Variants in B4GALT6 observed in about 807,000 individuals in gnomAD.
B4GALT6 encodes the protein beta-1,4-galactosyltransferase 6.
Under a neutral mutation model 46.3 loss-of-function variants are expected in B4GALT6, and 14 were observed. That is an observed-to-expected ratio of 0.30 (90% confidence interval 0.20 to 0.47). The LOEUF (loss-of-function observed/expected upper bound fraction) is 0.47, where lower values mean the gene tolerates loss of function less well. B4GALT6 is among the 20% of genes least tolerant of loss of function. The probability of loss-of-function intolerance (pLI) is 0.99; values close to 1 mark genes in which losing one functional copy is unlikely to be tolerated. For missense variants in B4GALT6, 386 were observed against 480.1 expected (o/e 0.80, Z 1.83); for synonymous variants, 168 against 162.0 (o/e 1.04, Z -0.28).
upstream of B4GALT6, among the ~76,000 whole-genome samples, chr18:31,689,642 G>T (rs2030042052): frequency 6.6e-6 from 1 of 152,130 alleles, no homozygotes; most frequent in Admixed American, 6.5e-5. Context: ...TACTAGGGAG[G>T]CTGAGGCAGG....
chr18:31,691,480 T>C, the B4GALT6 span, among the ~76,000 whole-genome samples: 31 of 151,834 alleles, frequency 2.0e-4, no homozygotes, highest in African/African-American at 7.0e-4. Flanking sequence ...AAAGATAGTA[T>C]ACTATGAAAG....
chr18:31,720,425 T>C, the B4GALT6 span, among the ~76,000 whole-genome samples: 18 of 152,312 alleles, frequency 1.2e-4, no homozygotes, highest in Admixed American at 6.5e-4. Context: ...TGCAAAATTG[T>C]GGGCAAATGG....
chr18:31,668,742 T>C lies in B4GALT6; in HGVS notation c.116-2370A>G, dbSNP rs1346279134. 2.0e-5 allele frequency among the ~76,000 whole-genome samples: 3 copies of C among 151,964 alleles called. 1 individual carries two copies. The highest frequency in any genetic ancestry group is 4.4e-5 in the Non-Finnish European group (3 of 68,020). ...CTGGCCGGGCGTGGTGGCTCATGCC[T>C]GTAATCCCAGCATTTTGGAAGGCCA... is the stretch of plus-strand genomic sequence containing the variant. On this transcript the variant is annotated intron_variant, in intron 1 of 8. Coordinates refer to ENST00000306851, the MANE Select transcript of B4GALT6 (RefSeq NM_004775.5).
In B4GALT6 at chr18:31,666,389, GAGAA is replaced by G. The variant is rs768848703; in HGVS notation, c.116-21_116-18del. 3 of 1,282,726 alleles carry G rather than the reference GAGAA, an allele frequency of 2.3e-6. No individual in the cohort carries two copies. The African/African-American group carries it at 4.5e-5, about 19-fold the overall frequency. The allele number at this position is 1,282,726 out of a possible 1,614,324, so 79.5% of individuals were successfully genotyped here. ...ATGTGTTGGCTATAAAAGAAAAATAGAGAAAGAATGTCATAACACAGTAAGCTTT... is the reference window on the plus strand; with the variant it reads ...ATGTGTTGGCTATAAAAGAAAAATAGAGAATGTCATAACACAGTAAGCTTT... On this transcript the variant is annotated intron_variant, in intron 1 of 8. Transcript: ENST00000306851.
chr18:31,667,331 T>C (rs1319661344), intron 1 of B4GALT6, among the ~76,000 whole-genome samples: 1 of 152,202 alleles, frequency 6.6e-6, no homozygotes, highest in Non-Finnish European at 1.5e-5. Context: ...AGGCTCACTA[T>C]CATGGCAAAA....
the B4GALT6 span, among the ~76,000 whole-genome samples, chr18:31,693,596 A>G: frequency 6.6e-6 from 1 of 152,222 alleles, no homozygotes; most frequent in South Asian, 2.1e-4. Flanking sequence ...AATACTATAA[A>G]TAAACTGAAA....
chr18:31,631,818 T>A (rs2073795411), intron 5 of B4GALT6, among the ~76,000 whole-genome samples: 1 of 152,200 alleles, frequency 6.6e-6, no homozygotes, highest in Non-Finnish European at 1.5e-5. Context: ...CAATTGGAAC[T>A]TACTACACAA....
chr18:31,631,718 T>G (rs1329309361), intron 5 of B4GALT6, among the ~76,000 whole-genome samples: 1 of 152,180 alleles, frequency 6.6e-6, no homozygotes, highest in Non-Finnish European at 1.5e-5. Flanking sequence ...GACTCAACAG[T>G]GACCCTTCTC....
rs753712194 is a variant in B4GALT6 at position 31,645,421 on chromosome 18, G to A, written c.405C>T (p.Phe135=). 4 of 1,613,814 alleles carry A rather than the reference G, an allele frequency of 2.5e-6. No homozygotes were observed. The highest frequency in any genetic ancestry group is 1.3e-5 in the African/African-American group (1 of 75,036). The change falls in exon 4 of 9, where the codon TTC becomes TTT. Residue 135 remains phenylalanine (F), a synonymous_variant. Coordinates refer to ENST00000306851, the MANE Select transcript of B4GALT6 (RefSeq NM_004775.5). ...CTGGCTCAATATCTAAATCCTTGGA[G>A]AAGAGTTGATGAATTTCATCAAAAC... ...EVSFDEIHQL[F]SKDLDIEPGG...
At chr18:31,658,144 C>T in intron 2 of B4GALT6, 55 bp from the exon 3 acceptor site, 5 of 1,297,974 alleles carry the variant, frequency 3.9e-6, no homozygotes, top group Non-Finnish European at 5.5e-6. Context: ...TTGCTTTCTC[C>T]CTGGAATGAA....
the B4GALT6 span, among the ~76,000 whole-genome samples, chr18:31,717,577 T>C: frequency 6.6e-6 from 1 of 152,184 alleles, no homozygotes. Flanking sequence ...TGTAGATCTA[T>C]ATTTATTGAC....
the B4GALT6 span, among the ~76,000 whole-genome samples, chr18:31,691,347 T>TATA: frequency 1.1e-5 from 1 of 93,354 alleles, no homozygotes; most frequent in Non-Finnish European, 2.2e-5. Context: ...ATATATATAT[T>TATA]GCTCTGGGTT....
At chr18:31,691,209 C>A in the B4GALT6 span, among the ~76,000 whole-genome samples, 2 of 150,536 alleles carry the variant, frequency 1.3e-5, no homozygotes, top group Non-Finnish European at 2.9e-5. Context: ...GTGTTACTAT[C>A]CTAGAACCTA....
chr18:31,674,571 T>G (rs2074394956), intron 1 of B4GALT6, among the ~76,000 whole-genome samples: 2 of 151,900 alleles, frequency 1.3e-5, no homozygotes, highest in Admixed American at 1.3e-4. Context: ...AGGTATCTCT[T>G]TCTAAGAATT....
intron 2 of B4GALT6, among the ~76,000 whole-genome samples, chr18:31,664,550 CA>C (rs1411921754): frequency 5.7e-5 from 8 of 140,302 alleles, no homozygotes; most frequent in African/African-American, 8.2e-5. Context: ...TTTTTGGTTG[CA>C]GGATACTATG....
At chr18:31,672,173 G>A (rs933098340) in intron 1 of B4GALT6, among the ~76,000 whole-genome samples, 1 of 152,188 alleles carries the variant, frequency 6.6e-6, no homozygotes, top group Admixed American at 6.5e-5. Context: ...GGACACCAAC[G>A]CAGCATCCCT....
chr18:31,645,391 A>G lies in B4GALT6; in HGVS notation c.435T>C (p.Gly145=). 1 of 1,613,756 alleles carries G rather than the reference A, an allele frequency of 6.2e-7. No homozygotes were observed. Among genetic ancestry groups the G allele is most frequent in the Non-Finnish European group, 8.5e-7 (1 of 1,179,894 alleles). ...GTTTACAGTCTTTTGGCCTCCAATG[A>G]CCCCCTGGCTCAATATCTAAATCCT... ...FSKDLDIEPG[G]HWRPKDCKPR... Residue 145 remains glycine (G), a synonymous_variant, in exon 4 of 9, where the codon GGT becomes GGC. Coordinates refer to ENST00000306851, the MANE Select transcript of B4GALT6 (RefSeq NM_004775.5).
At chr18:31,627,434 C>A (rs950705888) in intron 6 of B4GALT6, among the ~76,000 whole-genome samples, 3 of 151,950 alleles carry the variant, frequency 2.0e-5, no homozygotes, top group Non-Finnish European at 2.9e-5. Context: ...ATTTTCACAG[C>A]AAAAGTAAAC....
intron 1 of B4GALT6, among the ~76,000 whole-genome samples, chr18:31,676,328 G>A (rs2074414648): frequency 3.3e-5 from 5 of 152,088 alleles, no homozygotes; most frequent in Admixed American, 2.6e-4. Context: ...ATATACCACT[G>A]TAAAGATATT....
Sources: gnomAD v4.1 joint callset for allele counts (sites outside exome capture counted in the v4.1 genomes callset) on GRCh38, gnomAD v4.1.1 for gene constraint, MANE v1.5 for transcripts, NCBI Gene and HGNC (gene_info 2026-07-23, HGNC 2026-07-21) for gene names.